Variants in B3GLCT observed in about 807,000 individuals in gnomAD.
B3GLCT encodes the protein beta-1,3-glucosyltransferase.
In B3GLCT, 65 loss-of-function variants were observed where a neutral mutation model predicts 63.4. That is an observed-to-expected ratio of 1.03 (90% confidence interval 0.84 to 1.26). B3GLCT has a LOEUF of 1.26. B3GLCT is among the 50% of genes most tolerant of loss of function. The probability of loss-of-function intolerance (pLI) is 0.00; values close to 1 mark genes in which losing one functional copy is unlikely to be tolerated. For synonymous variants in B3GLCT, 233 were observed against 219.2 expected, an observed-to-expected ratio of 1.06 and a Z score of -0.55; for missense variants, 577 against 604.8, an observed-to-expected ratio of 0.95 and a Z score of 0.48.
intron 1 of B3GLCT, among the ~76,000 whole-genome samples, chr13:31,210,265 G>A (rs1021436190): frequency 2.6e-5 from 4 of 152,124 alleles, no homozygotes; most frequent in African/African-American, 9.7e-5. Context: ...AATGGAAAAG[G>A]GGAAATTACT....
At chr13:31,295,493 T>C (rs1029439819) in intron 12 of B3GLCT, among the ~76,000 whole-genome samples, 1 of 152,176 alleles carries the variant, frequency 6.6e-6, no homozygotes, top group Admixed American at 6.5e-5. Flanking sequence ...CATCTGCCTT[T>C]CATTTAGAGA....
intron 12 of B3GLCT, among the ~76,000 whole-genome samples, chr13:31,316,407 T>TTATATATGTATATATA (rs1555255283): frequency 4.9e-5 from 2 of 40,870 alleles, no homozygotes; most frequent in East Asian, 2.1e-3. Flanking sequence ...TTTGGAGGTT[T>TTATATATGTATATATA]TATATATATA....
intron 12 of B3GLCT, among the ~76,000 whole-genome samples, chr13:31,316,432 A>ATATATATATATATATATATATATAT (rs1566096056): frequency 1.6e-3 from 34 of 21,404 alleles, no homozygotes; most frequent in Non-Finnish European, 2.5e-3. Context: ...TATATATATA[A>ATATATATATATATATATATATATAT]ATTTTTTTTT....
chr13:31,231,619 C>G (rs1234826289), intron 4 of B3GLCT, among the ~76,000 whole-genome samples: 2 of 152,196 alleles, frequency 1.3e-5, no homozygotes, highest in East Asian at 3.8e-4. Flanking sequence ...TGGCTCTCTA[C>G]CTGCCTTTCC....
chr13:31,304,110 T>C (rs1486649517), intron 12 of B3GLCT, among the ~76,000 whole-genome samples: 19 of 96,898 alleles, frequency 2.0e-4, no homozygotes, highest in African/African-American at 7.0e-4. Flanking sequence ...TAAAATACTT[T>C]ATAGACAAGC....
In B3GLCT at chr13:31,293,426, G is replaced by A. The variant is rs138849389; in HGVS notation, c.1064+6607G>A. Among the ~76,000 whole-genome samples, 547 of 152,248 alleles carry A rather than the reference G, an allele frequency of 3.6e-3. 4 individuals are homozygous for A. Among genetic ancestry groups the A allele is most frequent in the Non-Finnish European group, 6.2e-3 (423 of 68,010 alleles). The stretch of plus-strand genomic sequence containing the variant: ...TGTTAAAGCCTCCCACTATTATTGT[G>A]TGGGAGTCTAAGTCTCTTTGTAGGT... On this transcript the variant is annotated intron_variant, in intron 12 of 14. Coordinates refer to ENST00000343307, the MANE Select transcript of B3GLCT (RefSeq NM_194318.4).
intron 14 of B3GLCT, among the ~76,000 whole-genome samples, chr13:31,325,405 T>C (rs772382620): frequency 7.3e-4 from 111 of 152,314 alleles, no homozygotes; most frequent in Non-Finnish European, 1.1e-3. Flanking sequence ...AAACTGTTAG[T>C]GTATAAGGGA....
intron 4 of B3GLCT, among the ~76,000 whole-genome samples, chr13:31,234,009 T>C (rs1278242714): frequency 7.3e-6 from 1 of 136,968 alleles, no homozygotes; most frequent in Non-Finnish European, 1.7e-5. Flanking sequence ...CAGTTTTTCT[T>C]TTTTTTTTTT....
chr13:31,329,755 T>C lies in B3GLCT; in HGVS notation c.*87T>C, dbSNP rs886396170. 2 of 1,443,778 alleles carry C rather than the reference T, an allele frequency of 1.4e-6. No individual in the cohort carries two copies. The highest frequency in any genetic ancestry group is 1.2e-5 in the South Asian group (1 of 85,772). The allele number at this position is 1,443,778 out of a possible 1,614,324, so 89.4% of individuals were successfully genotyped here. A position where few individuals can be genotyped will look rare whatever the true frequency, so the allele number is the denominator to read the frequency against. ...CACTGTGCTGTGCTCACAACACTTG[T>C]GTCTGCCACATGGCATTGGGTGCTT... is the stretch of plus-strand genomic sequence containing the variant. On this transcript the variant is annotated 3_prime_UTR_variant, in exon 15 of 15. Coordinates refer to ENST00000343307, the MANE Select transcript of B3GLCT (RefSeq NM_194318.4).
chr13:31,324,856 C>G (rs1247528476), intron 14 of B3GLCT, among the ~76,000 whole-genome samples: 1 of 152,094 alleles, frequency 6.6e-6, no homozygotes, highest in East Asian at 1.9e-4. Context: ...AGGCGCACAC[C>G]GCCATGCCTG....
chr13:31,241,665 A>C (rs78115635), intron 4 of B3GLCT, among the ~76,000 whole-genome samples: 3,368 of 152,296 alleles, frequency 0.022, 131 homozygotes, highest in African/African-American at 0.077. Flanking sequence ...CCATCTGGAC[A>C]TGCCAGTAAA....
At chr13:31,266,864 G>A (rs998158492) in intron 7 of B3GLCT, among the ~76,000 whole-genome samples, 6 of 152,122 alleles carry the variant, frequency 3.9e-5, no homozygotes, top group South Asian at 4.1e-4. Flanking sequence ...TCTACTTCCC[G>A]AGTTCAAGCA....
At position 31,329,850 on chromosome 13, in the gene B3GLCT, C is replaced by T. The variant is rs2137958460; in HGVS notation, c.*182C>T. ...GGAAGAAAAGGGGTCACAGGAGAAACATTTTTTTTTCTGGGAAAAATCACT... is the reference window on the plus strand; with the variant it reads ...GGAAGAAAAGGGGTCACAGGAGAAATATTTTTTTTTCTGGGAAAAATCACT... On this transcript the variant is annotated 3_prime_UTR_variant, in exon 15 of 15. Transcript: ENST00000343307. 1 of 664,518 alleles carries T rather than the reference C, an allele frequency of 1.5e-6. No individual in the cohort carries two copies. The highest frequency in any genetic ancestry group is 1.9e-5 in the South Asian group (1 of 53,824). The allele number at this position is 664,518 out of a possible 1,614,324, so 41.2% of individuals were successfully genotyped here.
intron 7 of B3GLCT, among the ~76,000 whole-genome samples, chr13:31,263,759 A>G (rs1872158237): frequency 6.6e-6 from 1 of 152,186 alleles, no homozygotes; most frequent in Non-Finnish European, 1.5e-5. Flanking sequence ...AGATCATTGA[A>G]CACATCTGTT....
intron 12 of B3GLCT, among the ~76,000 whole-genome samples, chr13:31,310,571 C>T (rs1874653392): frequency 6.6e-6 from 1 of 152,160 alleles, no homozygotes; most frequent in Admixed American, 6.5e-5. Context: ...GGCAGCTGCC[C>T]CACATTATGG....
chr13:31,257,843 A>G (rs1871817233), intron 6 of B3GLCT, among the ~76,000 whole-genome samples: 2 of 152,150 alleles, frequency 1.3e-5, no homozygotes, highest in African/African-American at 4.8e-5. Flanking sequence ...GACTTGCTGC[A>G]TTCATTTGAC....
intron 4 of B3GLCT, 137 bp downstream of exon 4, chr13:31,229,431 T>A (rs1351968407): frequency 2.8e-6 from 2 of 706,840 alleles, no homozygotes; most frequent in Non-Finnish European, 5.2e-6. Context: ...GCTTATTTAA[T>A]ATTGAGTATT....
At chr13:31,282,677 A>G (rs935864776) in intron 10 of B3GLCT, among the ~76,000 whole-genome samples, 2 of 151,422 alleles carry the variant, frequency 1.3e-5, no homozygotes, top group African/African-American at 4.8e-5. Context: ...TGACAGATGC[A>G]TGGAGGTTAT....
chr13:31,257,654 C>T (rs1871809454), intron 6 of B3GLCT, among the ~76,000 whole-genome samples: 1 of 151,742 alleles, frequency 6.6e-6, no homozygotes, highest in African/African-American at 2.4e-5. Context: ...TTAAGAAATA[C>T]CTAAGAGTAC....
Sources: gnomAD v4.1 joint callset for allele counts (sites outside exome capture counted in the v4.1 genomes callset) on GRCh38, gnomAD v4.1.1 for gene constraint, MANE v1.5 for transcripts, NCBI Gene and HGNC (gene_info 2026-07-23, HGNC 2026-07-21) for gene names.